The following DDX60 variants were observed in gnomAD, a reference collection of about 807,000 sequenced individuals.
DDX60 encodes DExD/H-box helicase 60, also known as probable ATP-dependent RNA helicase DDX60.
A neutral mutation model predicts 212.8 loss-of-function variants in DDX60; 165 were observed. The observed-to-expected ratio is 0.78, with a 90% CI of 0.68 to 0.88. DDX60 has a LOEUF of 0.88. Ranked by LOEUF, DDX60 falls within the 40% of genes least tolerant of loss-of-function variation. DDX60 has a pLI of 0.00. For synonymous variants in DDX60, 703 were observed against 685.3 expected (o/e 1.03, Z -0.40); for missense variants, 1,905 against 2,003.9 (o/e 0.95, Z 0.94).
At chr4:168,254,348 T>C (rs1734327258) in intron 26 of DDX60, among the ~76,000 whole-genome samples, 2 of 152,198 alleles carry the variant, frequency 1.3e-5, no homozygotes, top group Non-Finnish European at 2.9e-5. Context: ...ACACCTCCTA[T>C]GCTGTCCCTG....
At chr4:168,321,532 T>C (rs1737610408), upstream of DDX60, among the ~76,000 whole-genome samples, 1 of 152,254 alleles carries the variant, frequency 6.6e-6, no homozygotes, top group African/African-American at 2.4e-5. Flanking sequence ...GCCTTCTGCA[T>C]ATTTCACAAT....
intron 26 of DDX60, among the ~76,000 whole-genome samples, chr4:168,254,961 G>C (rs1734348092): frequency 1.3e-5 from 2 of 152,196 alleles, no homozygotes; most frequent in Admixed American, 6.5e-5. Flanking sequence ...GACTTCATCA[G>C]CTAAGCGAGG....
At chr4:168,308,537 C>T (rs563517309) in intron 3 of DDX60, among the ~76,000 whole-genome samples, 6 of 152,020 alleles carry the variant, frequency 3.9e-5, no homozygotes, top group Admixed American at 3.9e-4. Context: ...CAAGTGGATT[C>T]ACTGATGGCT....
chr4:168,315,029 C>G (rs1431463417), intron 1 of DDX60, among the ~76,000 whole-genome samples: 1 of 152,132 alleles, frequency 6.6e-6, no homozygotes, highest in Non-Finnish European at 1.5e-5. Flanking sequence ...AAGAAATGAA[C>G]ACTGTTGGCC....
At chr4:168,320,430 T>C (rs1245210723), upstream of DDX60, among the ~76,000 whole-genome samples, 1 of 152,102 alleles carries the variant, frequency 6.6e-6, no homozygotes, top group Non-Finnish European at 1.5e-5. Flanking sequence ...AGGAGTCTGG[T>C]GGTCTCTAGA....
intron 8 of DDX60, among the ~76,000 whole-genome samples, chr4:168,290,938 A>G (rs1044885850): frequency 6.6e-6 from 1 of 152,176 alleles, no homozygotes; most frequent in Non-Finnish European, 1.5e-5. Context: ...TTTTCACTGT[A>G]TGTATAATGA....
intron 14 of DDX60, among the ~76,000 whole-genome samples, chr4:168,278,687 G>A (rs367611451): frequency 1.4e-4 from 22 of 152,214 alleles, no homozygotes; most frequent in African/African-American, 5.1e-4. Flanking sequence ...AAATTAGCTG[G>A]GCATGGTGGT....
intron 6 of DDX60, among the ~76,000 whole-genome samples, chr4:168,297,312 A>G (rs1421710233): frequency 2.5e-5 from 1 of 40,190 alleles, no homozygotes; most frequent in African/African-American, 2.4e-4. Context: ...GAAAGAAAGA[A>G]AGAAAGAAAG....
intron 30 of DDX60, among the ~76,000 whole-genome samples, chr4:168,243,728 CA>C (rs1477062086): frequency 1.3e-5 from 2 of 152,068 alleles, no homozygotes; most frequent in African/African-American, 4.8e-5. Context: ...GTAGAAATAC[CA>C]CTTGACCCAG....
intron 8 of DDX60, among the ~76,000 whole-genome samples, chr4:168,291,462 CACCA>C (rs1736097171): frequency 1.3e-5 from 2 of 152,162 alleles, no homozygotes; most frequent in African/African-American, 4.8e-5. Context: ...CCACAGTGAT[CACCA>C]ACCATCAACT....
chr4:168,241,511 T>C (rs992748880), intron 30 of DDX60, among the ~76,000 whole-genome samples: 18 of 152,138 alleles, frequency 1.2e-4, no homozygotes, highest in Non-Finnish European at 7.3e-5. Context: ...AGGAACTTGT[T>C]GGGAACTGGA....
At chr4:168,260,730 G>C in intron 25 of DDX60, 135 bp downstream of exon 25, 1 of 800,910 alleles carries the variant, frequency 1.2e-6, no homozygotes, top group Admixed American at 2.4e-5. Flanking sequence ...CTCACCTCCT[G>C]CTCTGTGGCA....
intron 35 of DDX60, among the ~76,000 whole-genome samples, 176 bp from the exon 36 acceptor site, chr4:168,222,057 G>A (rs1161048099): frequency 6.6e-6 from 1 of 152,080 alleles, no homozygotes; most frequent in African/African-American, 2.4e-5. Flanking sequence ...AAGCAAGAGT[G>A]GAGAGTGGCT....
chr4:168,252,397 T>C, intron 27 of DDX60, 112 bp downstream of exon 27: 1 of 1,285,204 alleles, frequency 7.8e-7, no homozygotes. Flanking sequence ...GTAGGGATTG[T>C]ATTAATTATG....
In DDX60 at chr4:168,255,824, A is replaced by C. The variant is rs764304844; in HGVS notation, c.3444T>G (p.Thr1148=). ...TTGTCTCCTGCTTTTTCTTTAGGAA[A>C]GTGCTCACACTTTCAGCTGCGTTTT... ...AVENAAESVS[T]FLKKKQETKR... is the part of the protein sequence containing the mutation. The change falls in exon 26 of 38, where the codon ACT becomes ACG. Residue 1148 remains threonine (T), a synonymous_variant. Transcript: ENST00000393743. 1 of 1,606,732 alleles carries C rather than the reference A, an allele frequency of 6.2e-7. No individual in the cohort carries two copies. Among genetic ancestry groups the C allele is most frequent in the South Asian group, 1.1e-5 (1 of 88,932 alleles).
chr4:168,224,405 A>G lies in DDX60; in HGVS notation c.4682-20T>C, dbSNP rs766623463. On this transcript the variant is annotated intron_variant, in intron 34 of 37. Transcript: ENST00000393743. ...TGAATTCTGACAATAATAGTTAGGG[A>G]TAGATTAGTGTTTTGAACTCAGTCA... The G allele has an allele frequency of 4.3e-5, 69 of 1,608,982 alleles. No homozygotes were observed. The highest frequency in any genetic ancestry group is 5.7e-5 in the Non-Finnish European group (67 of 1,176,674).
chr4:168,263,106 A>G (rs1734692558), intron 22 of DDX60, among the ~76,000 whole-genome samples: 1 of 152,228 alleles, frequency 6.6e-6, no homozygotes, highest in Non-Finnish European at 1.5e-5. Flanking sequence ...AGTTTAGACA[A>G]TACATAACTT....
chr4:168,268,915 T>C lies in DDX60; in HGVS notation c.2725A>G (p.Met909Val), dbSNP rs1173816468. Residue 909 changes from methionine (M) to valine (V), a missense_variant, in exon 20 of 38, where the codon ATG becomes GTG. Physicochemically the swap from Met to Val is conservative, Grantham distance 21 (BLOSUM62 1). Transcript: ENST00000393743. ...AGAGCCAAAAAGGGACATCGGATCA[T>C]GACAAGGAGATGTTCCCAGATTTCT... is the stretch of plus-strand genomic sequence containing the variant. ...GAEIWEHLLV[M>V]IRCPFLALSA... 3.8e-6 allele frequency: 6 copies of C among 1,598,790 alleles called. No individual in the cohort carries two copies. Among genetic ancestry groups the C allele is most frequent in the Non-Finnish European group, 1.7e-6 (2 of 1,170,386 alleles).
chr4:168,268,817 G>T, intron 20 of DDX60, 37 bp downstream of exon 20: 1 of 1,156,976 alleles, frequency 8.6e-7, no homozygotes, highest in Non-Finnish European at 1.2e-6. Context: ...ATTCAAAATA[G>T]ATAAACACTC....
Sources: allele counts gnomAD v4.1 joint callset (sites outside exome capture counted in the v4.1 genomes callset), GRCh38; gene constraint gnomAD v4.1.1; transcripts MANE v1.5; gene names NCBI Gene and HGNC (gene_info 2026-07-23, HGNC 2026-07-21).